USP9X: variants seen among roughly 807,000 people sequenced by gnomAD.
USP9X encodes ubiquitin specific peptidase 9 X-linked.
In USP9X, 7 loss-of-function variants were observed where a neutral mutation model predicts 190.3. The ratio of observed to expected loss-of-function variants is 0.04; its 90% CI spans 0.02 to 0.07. The LOEUF (loss-of-function observed/expected upper bound fraction) is 0.07, where lower values mean the gene tolerates loss of function less well. USP9X is among the 10% of genes least tolerant of loss of function. USP9X has a pLI of 1.00. For missense variants in USP9X, 1,010 were observed against 1,916.9 expected (o/e 0.53, Z 8.83); for synonymous variants, 645 against 659.5 (o/e 0.98, Z 0.34).
At position 41,189,344 on chromosome X, in the gene USP9X, A is replaced by G; in HGVS notation, c.3846A>G (p.Glu1282=). 1 of 1,211,263 alleles carries G rather than the reference A, an allele frequency of 8.3e-7. No homozygotes were observed. Among genetic ancestry groups the G allele is most frequent in the Non-Finnish European group, 1.1e-6 (1 of 895,010 alleles). The change falls in exon 26 of 45, where the codon GAA becomes GAG. Residue 1282 remains glutamate, a synonymous_variant. Transcript: ENST00000378308. The part of the protein sequence containing the change: ...NAGNEPDLED[E]QVCCEALEVM... Reference sequence around the variant, plus strand: ...GCAATGAGCCAGACTTGGAAGACGAACAGGTTTGCTGTGAAGCATTGGAAG... The same window carrying G: ...GCAATGAGCCAGACTTGGAAGACGAGCAGGTTTGCTGTGAAGCATTGGAAG...
At chrX:41,152,857 A>G in intron 13 of USP9X, 91 bp from the exon 14 acceptor site, 1 of 957,065 alleles carries the variant, frequency 1.0e-6, no homozygotes, top group Admixed American at 3.7e-5. Context: ...AAGTTTTTAC[A>G]TCAGTAGCTA....
At chrX:41,206,888 C>T (rs1212287038) in intron 32 of USP9X, among the ~76,000 whole-genome samples, 2 of 108,136 alleles carry the variant, frequency 1.8e-5, no homozygotes, top group Non-Finnish European at 3.8e-5. Flanking sequence ...AGCAATTCTG[C>T]CTCAGCCTCC....
At chrX:41,162,970 C>A in intron 15 of USP9X, 93 bp downstream of exon 15, 1 of 629,220 alleles carries the variant, frequency 1.6e-6, no homozygotes, top group Non-Finnish European at 2.3e-6. Context: ...GTTGGGTGGC[C>A]TTTTCCCAAG....
At chrX:41,126,238 C>G (rs755439118) in intron 2 of USP9X, among the ~76,000 whole-genome samples, 64 of 111,631 alleles carry the variant, frequency 5.7e-4, no homozygotes, top group Non-Finnish European at 1.1e-3. Context: ...CTTTTCCTCT[C>G]TAGTTCCCAT....
chrX:41,164,021 C>T lies in USP9X; in HGVS notation c.1985+1144C>T, dbSNP rs778211061. Among the ~76,000 whole-genome samples the T allele has an allele frequency of 1.8e-4, 20 of 111,086 alleles. No individual in the cohort carries two copies. The South Asian group carries it at 6.5e-3, about 36-fold the overall frequency. On this transcript the variant is annotated intron_variant, in intron 15 of 44. Transcript: ENST00000378308. ...CCAAGTAACTGGGACTACAGGCATG[C>T]GCCACCACGCCCAGCTAATTTTTGT...
At position 41,128,734 on chromosome X, in the gene USP9X, A is replaced by C. The variant is rs189742788; in HGVS notation, c.97-266A>C. Among the ~76,000 whole-genome samples, 24 of 111,772 alleles carry C rather than the reference A, an allele frequency of 2.1e-4. No homozygotes were observed. The East Asian group carries it at 5.9e-3, about 27-fold the overall frequency. On this transcript the variant is annotated intron_variant, in intron 2 of 44. Transcript: ENST00000378308. ...TTACTTATGATGCCTAATACAGTGT[A>C]GATGCTATATAAATCATTATTATGC... is the stretch of plus-strand genomic sequence containing the variant.
At chrX:41,149,765 G>A (rs57449506) in intron 12 of USP9X, among the ~76,000 whole-genome samples, 16,405 of 108,391 alleles carry the variant, frequency 0.15, 1,155 homozygotes, top group East Asian at 0.41. Flanking sequence ...GTACAGTGGC[G>A]CAATCTCGGC....
chrX:41,228,562 G>T (rs1475856885), intron 41 of USP9X, among the ~76,000 whole-genome samples: 2 of 112,150 alleles, frequency 1.8e-5, no homozygotes, highest in Admixed American at 1.9e-4. Flanking sequence ...CAGAGATGCA[G>T]TTTTATAAAA....
At chrX:41,230,975 C>T (rs1400489196) in intron 44 of USP9X, among the ~76,000 whole-genome samples, 1 of 111,523 alleles carries the variant, frequency 9.0e-6, no homozygotes, top group Non-Finnish European at 1.9e-5. Context: ...GTAAGAAGTC[C>T]TTGGTTACTT....
intron 1 of USP9X, among the ~76,000 whole-genome samples, chrX:41,106,887 CTTTTTTTTTTT>C (rs60809399): frequency 1.3e-5 from 1 of 79,990 alleles, no homozygotes; most frequent in Non-Finnish European, 2.5e-5. Flanking sequence ...CTTTTCTTTT[CTTTTTTTTTTT>C]TTTTTTGAGA....
intron 21 of USP9X, among the ~76,000 whole-genome samples, chrX:41,174,839 A>G (rs1332801103): frequency 9.0e-6 from 1 of 111,631 alleles, no homozygotes; most frequent in Non-Finnish European, 1.9e-5. Context: ...TACTAAAAAT[A>G]CAAAAATTAG....
chrX:41,177,358 T>C (rs1485210904), intron 21 of USP9X, among the ~76,000 whole-genome samples: 1 of 112,371 alleles, frequency 8.9e-6, no homozygotes, highest in Non-Finnish European at 1.9e-5. Context: ...TCTTTGTCTT[T>C]TGTGACTTTG....
At chrX:41,106,009 A>G (rs1441649093) in intron 1 of USP9X, among the ~76,000 whole-genome samples, 1 of 111,984 alleles carries the variant, frequency 8.9e-6, no homozygotes, top group African/African-American at 3.2e-5. Flanking sequence ...AATTCTTTGT[A>G]TATTCTAGAT....
intron 1 of USP9X, among the ~76,000 whole-genome samples, chrX:41,106,525 T>A (rs2062070303): frequency 1.2e-5 from 1 of 85,638 alleles, no homozygotes; most frequent in Admixed American, 1.3e-4. Context: ...TGAATTAATT[T>A]TTTTTTTTTT....
chrX:41,188,333 T>G (rs1421417684), intron 25 of USP9X, among the ~76,000 whole-genome samples: 2 of 112,296 alleles, frequency 1.8e-5, no homozygotes, highest in Admixed American at 1.9e-4. Flanking sequence ...TTAAATGAAA[T>G]TGCCTTTTGC....
intron 14 of USP9X, among the ~76,000 whole-genome samples, chrX:41,157,440 C>T (rs1161209979): frequency 9.0e-6 from 1 of 111,236 alleles, no homozygotes. Flanking sequence ...GGGGCTTATA[C>T]TGATGCAGGG....
At chrX:41,139,790 T>C (rs1368651132) in intron 6 of USP9X, among the ~76,000 whole-genome samples, 2 of 112,183 alleles carry the variant, frequency 1.8e-5, no homozygotes, top group Non-Finnish European at 3.8e-5. Context: ...GTAGAAATTA[T>C]TTTTGCTTAA....
At chrX:41,231,535 C>A (rs1427872341) in intron 44 of USP9X, among the ~76,000 whole-genome samples, 5 of 110,275 alleles carry the variant, frequency 4.5e-5, no homozygotes, top group African/African-American at 1.6e-4. Flanking sequence ...TGAGACCAGC[C>A]TGACCAACAT....
Position 41,140,118 on chromosome X carries a change from A to G in USP9X, c.655-538A>G, listed in dbSNP as rs182718002. Among the ~76,000 whole-genome samples, 133 of 111,755 alleles carry G rather than the reference A, an allele frequency of 1.2e-3. 1 individual carries two copies. The highest frequency in any genetic ancestry group is 4.0e-3 in the African/African-American group (122 of 30,795). On this transcript the variant is annotated intron_variant, in intron 6 of 44. Transcript: ENST00000378308. ...GGGTGCAATTTGTATAAGCAAAAGT[A>G]TCAACCAGCATATTCTACTTAGGAA...
Sources: allele counts gnomAD v4.1 joint callset (sites outside exome capture counted in the v4.1 genomes callset), GRCh38; gene constraint gnomAD v4.1.1; transcripts MANE v1.5; gene names NCBI Gene and HGNC (gene_info 2026-07-23, HGNC 2026-07-21).